GRIA3: variants seen among roughly 807,000 people sequenced by gnomAD.
GRIA3 encodes the protein glutamate receptor 3.
GRIA3 carries 3 observed loss-of-function variants against 63.0 expected under a neutral mutation model. That is an observed-to-expected ratio of 0.05 (90% CI 0.02 to 0.12). The LOEUF is 0.12. Ranked by LOEUF, GRIA3 falls within the 10% of genes least tolerant of loss-of-function variation. The pLI, the probability that GRIA3 is intolerant of heterozygous loss-of-function variation, is 1.00. For synonymous variants in GRIA3, 274 were observed against 257.9 expected, an observed-to-expected ratio of 1.06 and a Z score of -0.60; for missense variants, 347 against 700.9, an observed-to-expected ratio of 0.50 and a Z score of 5.70.
At chrX:123,479,651 G>A (rs1168630728) in intron 13 of GRIA3, among the ~76,000 whole-genome samples, 1 of 112,000 alleles carries the variant, frequency 8.9e-6, no homozygotes, top group Non-Finnish European at 1.9e-5. Flanking sequence ...TCCTTTTCCC[G>A]ACTCCTCCAT....
intron 7 of GRIA3, among the ~76,000 whole-genome samples, chrX:123,402,252 TGTA>T (rs2045447164): frequency 9.0e-6 from 1 of 111,234 alleles, no homozygotes; most frequent in East Asian, 2.8e-4. Flanking sequence ...TCCCTGTCAC[TGTA>T]GTAGCTGGCA....
At chrX:123,317,716 T>C (rs1356806548) in intron 3 of GRIA3, among the ~76,000 whole-genome samples, 1 of 112,024 alleles carries the variant, frequency 8.9e-6, no homozygotes, top group African/African-American at 3.3e-5. Flanking sequence ...GCTGCTTTCA[T>C]GGGCTAGTGT....
chrX:123,405,432 C>A (rs1205834287), intron 10 of GRIA3, among the ~76,000 whole-genome samples: 1 of 112,041 alleles, frequency 8.9e-6, no homozygotes, highest in East Asian at 2.8e-4. Context: ...TCTGTTCTTA[C>A]CCTGGCAAAT....
At chrX:123,304,434 C>T (rs1239115672) in intron 3 of GRIA3, among the ~76,000 whole-genome samples, 1 of 111,780 alleles carries the variant, frequency 8.9e-6, no homozygotes, top group East Asian at 2.8e-4. Flanking sequence ...TATACCATCT[C>T]TGTGATTTCT....
At chrX:123,249,509 C>T (rs1205721107) in intron 2 of GRIA3, among the ~76,000 whole-genome samples, 2 of 111,622 alleles carry the variant, frequency 1.8e-5, no homozygotes, top group Non-Finnish European at 3.8e-5. Context: ...AGGCCATTAA[C>T]ACTGTCCTCA....
intron 4 of GRIA3, among the ~76,000 whole-genome samples, chrX:123,352,174 G>A (rs1032959756): frequency 1.8e-5 from 2 of 109,918 alleles, no homozygotes; most frequent in Non-Finnish European, 3.8e-5. Flanking sequence ...TCCGCCTCCC[G>A]GGTTCAAGTG....
chrX:123,360,855 TCACACACACACACACACACACA>T (rs10548566), intron 5 of GRIA3, among the ~76,000 whole-genome samples: 2 of 46,513 alleles, frequency 4.3e-5, no homozygotes, highest in African/African-American at 8.1e-5. Flanking sequence ...TCTCTCTCTC[TCACACACACACACACACACACA>T]CACACACACA....
chrX:123,237,409 T>C (rs936234568), intron 2 of GRIA3, among the ~76,000 whole-genome samples: 2 of 111,929 alleles, frequency 1.8e-5, no homozygotes, highest in Non-Finnish European at 3.8e-5. Context: ...TTGGACTATA[T>C]CTGAAAGGCA....
In GRIA3 at chrX:123,324,935, C is replaced by T. The variant is rs765251442; in HGVS notation, c.509-1091C>T. ...GCTCAAAGGGCATCGCAATCCTCTCCCATTCTCTTCTCCTCCAGTCATCAA... is the reference window on the plus strand; with the variant it reads ...GCTCAAAGGGCATCGCAATCCTCTCTCATTCTCTTCTCCTCCAGTCATCAA... On this transcript the variant is annotated intron_variant, in intron 3 of 15. Coordinates refer to ENST00000620443, the MANE Select transcript of GRIA3 (RefSeq NM_007325.5). Among the ~76,000 whole-genome samples the T allele has an allele frequency of 1.3e-3, 148 of 112,256 alleles. 2 individuals carry two copies. Among genetic ancestry groups the T allele is most frequent in the African/African-American group, 4.6e-3 (141 of 30,948 alleles).
intron 2 of GRIA3, among the ~76,000 whole-genome samples, chrX:123,191,786 C>T (rs896860058): frequency 2.3e-4 from 26 of 110,723 alleles, no homozygotes; most frequent in East Asian, 2.8e-4. Flanking sequence ...GAGTGCAGTA[C>T]GGCCTGCACT....
chrX:123,372,337 G>T (rs1367998861), intron 5 of GRIA3, among the ~76,000 whole-genome samples: 1 of 111,727 alleles, frequency 9.0e-6, no homozygotes, highest in African/African-American at 3.3e-5. Context: ...TCTTTCTCAG[G>T]ATAGCTTTGG....
intron 3 of GRIA3, among the ~76,000 whole-genome samples, chrX:123,318,648 T>C (rs1189569857): frequency 8.9e-6 from 1 of 111,877 alleles, no homozygotes; most frequent in Non-Finnish European, 1.9e-5. Flanking sequence ...CTGGACCTTA[T>C]TGTTCATATC....
intron 1 of GRIA3, 147 bp downstream of exon 1, chrX:123,184,791 G>T (rs1184385521): frequency 7.9e-6 from 4 of 504,808 alleles, no homozygotes; most frequent in Non-Finnish European, 1.4e-5. Context: ...GGTGCGGGGC[G>T]GGGGGCGGGG....
At chrX:123,203,630 T>C (rs1161057539) in intron 2 of GRIA3, among the ~76,000 whole-genome samples, 1 of 111,754 alleles carries the variant, frequency 8.9e-6, no homozygotes, top group African/African-American at 3.3e-5. Flanking sequence ...CAGACGTCCA[T>C]GCTCTGAAAT....
At chrX:123,353,020 T>TAC (rs556926418) in intron 4 of GRIA3, among the ~76,000 whole-genome samples, 31,672 of 86,982 alleles carry the variant, frequency 0.36, 4,468 homozygotes, top group Middle Eastern at 0.51. Flanking sequence ...CTCTCTCTCA[T>TAC]ACACACACAC....
intron 4 of GRIA3, among the ~76,000 whole-genome samples, chrX:123,342,497 A>G (rs975990968): frequency 2.7e-5 from 3 of 112,207 alleles, no homozygotes; most frequent in African/African-American, 9.7e-5. Context: ...TGATGGACTC[A>G]TTCATTTGCA....
chrX:123,209,415 T>C (rs1927979669), intron 2 of GRIA3, among the ~76,000 whole-genome samples: 1 of 111,996 alleles, frequency 8.9e-6, no homozygotes, highest in Non-Finnish European at 1.9e-5. Context: ...GTTATGCCTC[T>C]GCAACACTCG....
At chrX:123,324,036 G>A (rs1336173857) in intron 3 of GRIA3, among the ~76,000 whole-genome samples, 1 of 111,787 alleles carries the variant, frequency 8.9e-6, no homozygotes, top group African/African-American at 3.3e-5. Context: ...GAGGGAACTT[G>A]TCATCATGCC....
At chrX:123,272,331 A>T (rs1172679151) in intron 3 of GRIA3, among the ~76,000 whole-genome samples, 1 of 111,612 alleles carries the variant, frequency 9.0e-6, no homozygotes, top group Non-Finnish European at 1.9e-5. Context: ...GTTCATGGCT[A>T]GGGAGAATAG....
Sources: gnomAD v4.1 joint callset for allele counts (sites outside exome capture counted in the v4.1 genomes callset) on GRCh38, gnomAD v4.1.1 for gene constraint, MANE v1.5 for transcripts, NCBI Gene and HGNC (gene_info 2026-07-23, HGNC 2026-07-21) for gene names.